ADAMTS17: variants seen among roughly 807,000 people sequenced by gnomAD.
ADAMTS17 encodes A disintegrin and metalloproteinase with thrombospondin motifs 17.
Under a neutral mutation model 141.5 loss-of-function variants are expected in ADAMTS17, and 113 were observed. That is an observed-to-expected ratio of 0.80 (90% confidence interval 0.69 to 0.93). The LOEUF (loss-of-function observed/expected upper bound fraction) is 0.93, where lower values mean the gene tolerates loss of function less well. Ranked by LOEUF, ADAMTS17 falls within the 40% of genes least tolerant of loss-of-function variation. The pLI, the probability that ADAMTS17 is intolerant of heterozygous loss-of-function variation, is 0.00. For synonymous variants in ADAMTS17, 768 were observed against 630.6 expected (o/e 1.22, Z -3.27); for missense variants, 1,659 against 1,517.9 (o/e 1.09, Z -1.54).
At chr15:100,312,057 G>A (rs556945248) in intron 3 of ADAMTS17, among the ~76,000 whole-genome samples, 3 of 152,314 alleles carry the variant, frequency 2.0e-5, no homozygotes, top group South Asian at 2.1e-4. Flanking sequence ...TGGGCCAGAC[G>A]GCTGAGTGAG....
chr15:100,270,581 G>C (rs529025702), intron 4 of ADAMTS17, among the ~76,000 whole-genome samples: 4 of 151,796 alleles, frequency 2.6e-5, no homozygotes, highest in African/African-American at 7.2e-5. Flanking sequence ...TATGGCATCA[G>C]TCATTCATTT....
At chr15:100,005,195 C>A (rs1469124275) in intron 18 of ADAMTS17, among the ~76,000 whole-genome samples, 1 of 152,224 alleles carries the variant, frequency 6.6e-6, no homozygotes, top group African/African-American at 2.4e-5. Flanking sequence ...GTTAAATCAT[C>A]CTAATGAGAT....
At chr15:100,043,550 A>C (rs1222381834) in intron 18 of ADAMTS17, among the ~76,000 whole-genome samples, 1 of 152,244 alleles carries the variant, frequency 6.6e-6, no homozygotes, top group East Asian at 1.9e-4. Context: ...AGTAAGCAAT[A>C]ATCCAAAACA....
intron 10 of ADAMTS17, among the ~76,000 whole-genome samples, chr15:100,140,076 A>G (rs1596537815): frequency 6.6e-6 from 1 of 151,956 alleles, no homozygotes. Flanking sequence ...GCTCACTGCA[A>G]CCTCCGCCTC....
At chr15:99,980,910 G>A (rs1176729730) in intron 20 of ADAMTS17, 1 of 152,292 alleles carries the variant, frequency 6.6e-6, no homozygotes, top group Admixed American at 6.5e-5. Flanking sequence ...AGGCTGACAT[G>A]TGGCACGTCT....
At chr15:100,091,700 A>G (rs966253047) in intron 15 of ADAMTS17, among the ~76,000 whole-genome samples, 3 of 152,238 alleles carry the variant, frequency 2.0e-5, no homozygotes, top group Admixed American at 2.0e-4. Flanking sequence ...GAAGAAAACC[A>G]TCGGACTGAA....
chr15:100,244,736 C>T (rs942020252), intron 7 of ADAMTS17, among the ~76,000 whole-genome samples: 2 of 152,048 alleles, frequency 1.3e-5, no homozygotes, highest in African/African-American at 4.8e-5. Flanking sequence ...CGGCTTGTTC[C>T]AACCGGAGCA....
chr15:100,314,250 G>A (rs2141873074), intron 3 of ADAMTS17, among the ~76,000 whole-genome samples: 1 of 152,354 alleles, frequency 6.6e-6, no homozygotes, highest in South Asian at 2.1e-4. Context: ...GTCTAGACTG[G>A]ATTCTGTACC....
intron 7 of ADAMTS17, among the ~76,000 whole-genome samples, chr15:100,233,837 G>A (rs1231537519): frequency 6.6e-6 from 1 of 152,044 alleles, no homozygotes; most frequent in Admixed American, 6.5e-5. Flanking sequence ...GGCAAGGGAA[G>A]GAGGAGGCTG....
chr15:100,146,639 T>C (rs1310477342), intron 10 of ADAMTS17, among the ~76,000 whole-genome samples: 4 of 96,154 alleles, frequency 4.2e-5, no homozygotes, highest in African/African-American at 1.3e-4. Flanking sequence ...GAGATAACCT[T>C]AAACTCTGAC....
intron 11 of ADAMTS17, 78 bp from the exon 12 acceptor site, chr15:100,132,230 C>T (rs990261992): frequency 1.7e-5 from 27 of 1,550,236 alleles, no homozygotes; most frequent in Admixed American, 3.8e-5. Context: ...CCCAAAATGC[C>T]GTGCTGCCAA....
intron 8 of ADAMTS17, among the ~76,000 whole-genome samples, chr15:100,158,878 G>A (rs966529317): frequency 6.6e-5 from 10 of 152,074 alleles, no homozygotes; most frequent in Non-Finnish European, 1.3e-4. Flanking sequence ...GATGCCCAAC[G>A]TCACTAATCA....
At chr15:100,165,287 G>A (rs905418518) in intron 8 of ADAMTS17, among the ~76,000 whole-genome samples, 6 of 152,188 alleles carry the variant, frequency 3.9e-5, no homozygotes, top group Non-Finnish European at 8.8e-5. Flanking sequence ...CTGGACACAG[G>A]ACTGGGATCA....
intron 8 of ADAMTS17, among the ~76,000 whole-genome samples, chr15:100,163,380 T>G (rs1162457843): frequency 6.6e-6 from 1 of 152,202 alleles, no homozygotes; most frequent in Non-Finnish European, 1.5e-5. Context: ...GGTTTCTTGC[T>G]GCAAGCACCA....
intron 4 of ADAMTS17, among the ~76,000 whole-genome samples, chr15:100,264,224 C>T (rs2043631086): frequency 6.6e-6 from 1 of 152,188 alleles, no homozygotes; most frequent in Admixed American, 6.5e-5. Flanking sequence ...TCTGAAGTCA[C>T]ATATTCATGT....
intron 8 of ADAMTS17, among the ~76,000 whole-genome samples, chr15:100,177,949 G>A (rs2040395045): frequency 6.6e-6 from 1 of 152,028 alleles, no homozygotes. Context: ...TTCCTCTGAA[G>A]TCTACTTTTT....
At chr15:100,020,464 G>C (rs1488258103) in intron 18 of ADAMTS17, among the ~76,000 whole-genome samples, 1 of 152,146 alleles carries the variant, frequency 6.6e-6, no homozygotes, top group Non-Finnish European at 1.5e-5. Context: ...TTACGAGCAA[G>C]GGAATTCACA....
At chr15:100,132,622 A>G (rs986394606) in intron 11 of ADAMTS17, among the ~76,000 whole-genome samples, 6 of 152,200 alleles carry the variant, frequency 3.9e-5, no homozygotes, top group African/African-American at 1.2e-4. Context: ...CCTATAAAAC[A>G]ATTTCTCAAA....
rs138961734 is a variant in ADAMTS17, at chr15:100,006,892, C to T, written c.2592-9303G>A. ...GGCAGCATAAAAAGGGTGGCAAACA[C>T]CGCCCAAGCTCCAGAAAATGCAGGC... On this transcript the variant is annotated intron_variant, in intron 18 of 21. Transcript: ENST00000268070. Among the ~76,000 whole-genome samples the T allele has an allele frequency of 3.0e-3, 453 of 152,306 alleles. 1 individual carries two copies. The highest frequency in any genetic ancestry group is 9.8e-3 in the African/African-American group (409 of 41,566).
Sources: allele counts gnomAD v4.1 joint callset (sites outside exome capture counted in the v4.1 genomes callset), GRCh38; gene constraint gnomAD v4.1.1; transcripts MANE v1.5; gene names NCBI Gene and HGNC (gene_info 2026-07-23, HGNC 2026-07-21).